The following FAM110B variants were observed in gnomAD, a reference collection of about 807,000 sequenced individuals.
The protein encoded by FAM110B is protein FAM110B.
FAM110B carries 6 observed loss-of-function variants against 20.4 expected under a neutral mutation model. The observed-to-expected ratio is 0.29, with a 90% CI of 0.16 to 0.58. The LOEUF (loss-of-function observed/expected upper bound fraction) is 0.58, where lower values mean the gene tolerates loss of function less well. Among genes scored for constraint, FAM110B ranks in the 20% least tolerant of loss-of-function variants. The pLI, the probability that FAM110B is intolerant of heterozygous loss-of-function variation, is 0.90. For synonymous variants in FAM110B, 226 were observed against 214.1 expected (o/e 1.06, Z -0.49); for missense variants, 434 against 498.2 (o/e 0.87, Z 1.23).
At chr8:58,143,800 GAT>G (rs1803795187) in intron 3 of FAM110B, among the ~76,000 whole-genome samples, 1 of 152,174 alleles carries the variant, frequency 6.6e-6, no homozygotes, top group Non-Finnish European at 1.5e-5. Context: ...GTCCTAATAT[GAT>G]AGAACTAGAA....
chr8:58,072,546 A>C (rs1422599618), intron 2 of FAM110B, among the ~76,000 whole-genome samples: 1 of 152,234 alleles, frequency 6.6e-6, no homozygotes, highest in African/African-American at 2.4e-5. Flanking sequence ...ATCACGTCTT[A>C]ACTTTTTAAA....
Position 57,994,555 on chromosome 8 carries a change from C to G in FAM110B, c.-763C>G, listed in dbSNP as rs1465392691. ...GGCGAAGCCTGCCTGAGCCCTCCCA[C>G]TCGGTGCAGACCGAACCATCGCGGC... On this transcript the variant is annotated 5_prime_UTR_variant, in exon 1 of 4. Coordinates refer to ENST00000519262, the MANE Select transcript of FAM110B (RefSeq NM_001377989.1). The G allele has an allele frequency of 6.6e-6, 1 of 152,516 alleles. No individual in the cohort carries two copies. The highest frequency in any genetic ancestry group is 1.5e-5 in the Non-Finnish European group (1 of 68,356). 9.4% of individuals were successfully genotyped at this position (152,516 alleles called of 1,614,324 possible). A position where few individuals can be genotyped will look rare whatever the true frequency, so the allele number is the denominator to read the frequency against.
At chr8:58,139,508 C>T (rs1018885228) in intron 3 of FAM110B, among the ~76,000 whole-genome samples, 2 of 152,140 alleles carry the variant, frequency 1.3e-5, no homozygotes, top group Non-Finnish European at 2.9e-5. Context: ...CTTTTTTGGT[C>T]AGCCTTTTAC....
At chr8:58,014,911 A>T (rs753580667) in intron 1 of FAM110B, among the ~76,000 whole-genome samples, 8 of 152,260 alleles carry the variant, frequency 5.3e-5, no homozygotes, top group Non-Finnish European at 8.8e-5. Context: ...TTTTACTAAC[A>T]TCAAGACTTT....
intron 2 of FAM110B, among the ~76,000 whole-genome samples, chr8:58,041,854 G>A (rs999067309): frequency 1.3e-5 from 2 of 152,234 alleles, no homozygotes; most frequent in Non-Finnish European, 2.9e-5. Context: ...TTAACTGGCA[G>A]ATGGTTGACA....
intron 2 of FAM110B, among the ~76,000 whole-genome samples, chr8:58,070,012 T>C (rs966053027): frequency 2.0e-5 from 3 of 152,170 alleles, no homozygotes; most frequent in South Asian, 4.1e-4. Context: ...TTTATTAAAA[T>C]TGAATTTTCT....
intron 2 of FAM110B, among the ~76,000 whole-genome samples, chr8:58,034,461 C>G (rs972300449): frequency 6.6e-5 from 10 of 152,156 alleles, no homozygotes; most frequent in Admixed American, 6.5e-4. Flanking sequence ...GAGAGCAGTC[C>G]TGGAGAGCCA....
intron 3 of FAM110B, among the ~76,000 whole-genome samples, chr8:58,140,940 T>C (rs1803732284): frequency 6.6e-6 from 1 of 152,200 alleles, no homozygotes; most frequent in Non-Finnish European, 1.5e-5. Flanking sequence ...AAGTTCAGGA[T>C]TTTTCTACGT....
intron 2 of FAM110B, among the ~76,000 whole-genome samples, chr8:58,059,891 A>T (rs1360978475): frequency 2.0e-5 from 3 of 152,070 alleles, no homozygotes; most frequent in African/African-American, 7.2e-5. Context: ...TAGGTTTGTG[A>T]TCTACCTCAG....
intron 1 of FAM110B, among the ~76,000 whole-genome samples, chr8:58,015,677 C>G (rs187357277): frequency 5.8e-4 from 88 of 151,818 alleles, no homozygotes; most frequent in African/African-American, 2.1e-3. Context: ...GAAACCCCGT[C>G]TCTACTAAAA....
intron 1 of FAM110B, among the ~76,000 whole-genome samples, chr8:58,028,532 G>A (rs1804896477): frequency 6.6e-6 from 1 of 152,064 alleles, no homozygotes; most frequent in African/African-American, 2.4e-5. Context: ...TGTTTACTTG[G>A]CATCTCTATT....
intron 1 of FAM110B, among the ~76,000 whole-genome samples, chr8:58,017,017 C>T (rs1054907213): frequency 2.0e-5 from 3 of 152,168 alleles, no homozygotes; most frequent in Non-Finnish European, 4.4e-5. Context: ...CACAGCAAGT[C>T]TGGAGAACTT....
chr8:58,013,370 T>G (rs1185877486), intron 1 of FAM110B, among the ~76,000 whole-genome samples: 1 of 151,660 alleles, frequency 6.6e-6, no homozygotes, highest in Non-Finnish European at 1.5e-5. Flanking sequence ...TGGTGGGGAG[T>G]GGGTGTTGTC....
At chr8:58,064,469 T>C (rs535159875) in intron 2 of FAM110B, among the ~76,000 whole-genome samples, 9 of 152,274 alleles carry the variant, frequency 5.9e-5, no homozygotes, top group Non-Finnish European at 1.2e-4. Context: ...TCCCAGAATT[T>C]CTAGATATTA....
At chr8:58,064,190 A>T (rs1375943505) in intron 2 of FAM110B, among the ~76,000 whole-genome samples, 2 of 152,102 alleles carry the variant, frequency 1.3e-5, no homozygotes, top group East Asian at 1.9e-4. Flanking sequence ...ATCAGGCCTC[A>T]CCTCCAACAC....
At chr8:58,011,112 G>A (rs1804524578) in intron 1 of FAM110B, among the ~76,000 whole-genome samples, 1 of 152,172 alleles carries the variant, frequency 6.6e-6, no homozygotes, top group Admixed American at 6.5e-5. Flanking sequence ...AATCTACTGA[G>A]CTCTTTACAA....
intron 2 of FAM110B, among the ~76,000 whole-genome samples, chr8:58,069,820 T>A (rs1805849159): frequency 3.9e-5 from 6 of 152,336 alleles, no homozygotes; most frequent in African/African-American, 1.4e-4. Flanking sequence ...TATTTATTCT[T>A]AATGCTGGAA....
chr8:58,009,763 C>G (rs547064798), intron 1 of FAM110B, among the ~76,000 whole-genome samples: 2 of 152,126 alleles, frequency 1.3e-5, no homozygotes, highest in African/African-American at 4.8e-5. Flanking sequence ...AAACATAGTG[C>G]GAAGCAGATG....
At chr8:58,065,902 C>T (rs1805750299) in intron 2 of FAM110B, among the ~76,000 whole-genome samples, 1 of 152,134 alleles carries the variant, frequency 6.6e-6, no homozygotes, top group Non-Finnish European at 1.5e-5. Context: ...CTGTCTCCTT[C>T]CCTGGTTTGG....
Sources: gnomAD v4.1 joint callset for allele counts (sites outside exome capture counted in the v4.1 genomes callset) on GRCh38, gnomAD v4.1.1 for gene constraint, MANE v1.5 for transcripts, NCBI Gene and HGNC (gene_info 2026-07-23, HGNC 2026-07-21) for gene names.